The following DPP10 variants were observed in gnomAD, a reference collection of about 807,000 sequenced individuals.
DPP10 encodes the protein dipeptidyl peptidase like 10.
DPP10 carries 33 observed loss-of-function variants against 120.9 expected under a neutral mutation model. The observed-to-expected ratio is 0.27, with a 90% CI of 0.21 to 0.37. The LOEUF is 0.37. Ranked by LOEUF, DPP10 falls within the 10% of genes least tolerant of loss-of-function variation. The probability of loss-of-function intolerance (pLI) is 1.00; values close to 1 mark genes in which losing one functional copy is unlikely to be tolerated. For missense variants in DPP10, 816 were observed against 942.8 expected, an observed-to-expected ratio of 0.87 and a Z score of 1.76; for synonymous variants, 337 against 326.1, an observed-to-expected ratio of 1.03 and a Z score of -0.36.
At chr2:114,986,959 T>C (rs1700438299) in intron 1 of DPP10, among the ~76,000 whole-genome samples, 1 of 152,052 alleles carries the variant, frequency 6.6e-6, no homozygotes, top group African/African-American at 2.4e-5. Flanking sequence ...TTATTATTTT[T>C]AGTAAAGATG....
rs1700700373 is a variant in DPP10, at chr2:114,990,587, C to A, written c.61-318652C>A. On this transcript the variant is annotated intron_variant, in intron 1 of 25. Coordinates refer to ENST00000410059, the MANE Select transcript of DPP10 (RefSeq NM_020868.6). ...TATTCTACATTTAATTATTTTTATA[C>A]CCCAACAGTTAATGTGATAACCTTT... 2.0e-5 allele frequency among the ~76,000 whole-genome samples: 3 copies of A among 151,974 alleles called. No homozygotes were observed. The South Asian group carries it at 6.2e-4, about 32-fold the overall frequency.
chr2:115,294,367 A>G (rs2060791025), intron 1 of DPP10, among the ~76,000 whole-genome samples: 1 of 152,144 alleles, frequency 6.6e-6, no homozygotes, highest in African/African-American at 2.4e-5. Context: ...CACTATGGAT[A>G]CACTGAGCAA....
At chr2:115,757,245 A>G (rs966827863) in intron 11 of DPP10, among the ~76,000 whole-genome samples, 1 of 152,030 alleles carries the variant, frequency 6.6e-6, no homozygotes, top group Non-Finnish European at 1.5e-5. Flanking sequence ...AAGAGACAAC[A>G]TTTTAGACTG....
Position 114,532,801 on chromosome 2 carries a change from G to A in DPP10, c.60+89963G>A, listed in dbSNP as rs190361705. Reference sequence around the variant, plus strand: ...CCCAACTTCATGGAAAGTTTACATGGATGAGTCTCCTCTAGGCATGTCAGA... The same window carrying A: ...CCCAACTTCATGGAAAGTTTACATGAATGAGTCTCCTCTAGGCATGTCAGA... On this transcript the variant is annotated intron_variant, in intron 1 of 25. Coordinates refer to ENST00000410059, the MANE Select transcript of DPP10 (RefSeq NM_020868.6). 2.2e-3 allele frequency among the ~76,000 whole-genome samples: 332 copies of A among 152,220 alleles called. 1 individual carries two copies. Among genetic ancestry groups the A allele is most frequent in the Non-Finnish European group, 3.6e-3 (247 of 68,008 alleles).
chr2:114,517,294 G>A (rs944108049), intron 1 of DPP10, among the ~76,000 whole-genome samples: 2 of 152,196 alleles, frequency 1.3e-5, no homozygotes, highest in African/African-American at 4.8e-5. Flanking sequence ...GCCGAGGCGG[G>A]AGGATCACCT....
At chr2:115,384,670 A>T (rs540556578) in intron 3 of DPP10, among the ~76,000 whole-genome samples, 4 of 148,408 alleles carry the variant, frequency 2.7e-5, no homozygotes, top group Non-Finnish European at 4.5e-5. Context: ...AAGAAGAAGA[A>T]GGAAGAAGAA....
intron 1 of DPP10, among the ~76,000 whole-genome samples, chr2:114,976,767 T>C (rs554373873): frequency 6.6e-6 from 1 of 152,310 alleles, no homozygotes; most frequent in Non-Finnish European, 1.5e-5. Flanking sequence ...TCTCCTAGTA[T>C]TTTATTTATT....
chr2:115,727,866 T>C lies in DPP10; in HGVS notation c.627T>C (p.Ser209=). ...NIYYQPDIKS[S]SLRLTSSGKE... is the part of the protein sequence containing the mutation. ...ACTATCAACCTGATATAAAGAGCAGTTCATTGCGACTGACATCTTCTGGAA... is the reference window on the plus strand; with the variant it reads ...ACTATCAACCTGATATAAAGAGCAGCTCATTGCGACTGACATCTTCTGGAA... The change falls in exon 8 of 26, where the codon AGT becomes AGC. Residue 209 remains serine, a synonymous_variant. Transcript: ENST00000410059. The C allele has an allele frequency of 6.2e-7, 1 of 1,607,366 alleles. No homozygotes were observed. Among genetic ancestry groups the C allele is most frequent in the Non-Finnish European group, 8.5e-7 (1 of 1,177,278 alleles).
At chr2:114,635,106 A>T (rs1695211731) in intron 1 of DPP10, among the ~76,000 whole-genome samples, 1 of 151,866 alleles carries the variant, frequency 6.6e-6, no homozygotes, top group Admixed American at 6.6e-5. Context: ...AGTTTTACGT[A>T]AACTTGTTTA....
chr2:115,146,520 C>G (rs1481834912), intron 1 of DPP10, among the ~76,000 whole-genome samples: 1 of 150,792 alleles, frequency 6.6e-6, no homozygotes, highest in Non-Finnish European at 1.5e-5. Flanking sequence ...TTCTATGTTC[C>G]CTAATTAAGG....
intron 5 of DPP10, among the ~76,000 whole-genome samples, chr2:115,654,165 C>T (rs750726183): frequency 1.3e-5 from 2 of 151,774 alleles, no homozygotes; most frequent in Admixed American, 6.6e-5. Flanking sequence ...CCCCCATCCC[C>T]TGCAGTGTTA....
At chr2:115,753,442 A>T (rs974426726) in intron 11 of DPP10, 145 bp downstream of exon 11, 3 of 705,470 alleles carry the variant, frequency 4.3e-6, no homozygotes, top group African/African-American at 3.6e-5. Flanking sequence ...TATTAAGAAT[A>T]TATACTTTAA....
intron 1 of DPP10, among the ~76,000 whole-genome samples, chr2:114,527,162 T>A (rs1050864967): frequency 6.6e-6 from 1 of 152,224 alleles, no homozygotes; most frequent in African/African-American, 2.4e-5. Flanking sequence ...GTGAGATCAA[T>A]CTTTAGACGA....
chr2:114,720,110 C>A (rs1434911330), intron 1 of DPP10, among the ~76,000 whole-genome samples: 1 of 152,114 alleles, frequency 6.6e-6, no homozygotes, highest in South Asian at 2.1e-4. Flanking sequence ...GATAAGGGAA[C>A]TTCGGAGAAC....
At chr2:115,782,098 A>G (rs1682833177) in intron 16 of DPP10, among the ~76,000 whole-genome samples, 1 of 151,992 alleles carries the variant, frequency 6.6e-6, no homozygotes, top group African/African-American at 2.4e-5. Flanking sequence ...CTAAAAACAT[A>G]GAAATATAGA....
intron 1 of DPP10, among the ~76,000 whole-genome samples, chr2:114,798,368 A>G (rs1683895210): frequency 6.6e-6 from 1 of 152,198 alleles, no homozygotes; most frequent in Non-Finnish European, 1.5e-5. Flanking sequence ...TCACTGTACT[A>G]TTTTTACATC....
chr2:114,510,262 C>T (rs775874383), intron 1 of DPP10, among the ~76,000 whole-genome samples: 19 of 152,186 alleles, frequency 1.2e-4, no homozygotes, highest in Non-Finnish European at 2.8e-4. Context: ...CAACTTGGGC[C>T]TTCTCATCAG....
At chr2:115,309,675 G>T (rs1355371455) in intron 2 of DPP10, among the ~76,000 whole-genome samples, 2 of 151,984 alleles carry the variant, frequency 1.3e-5, no homozygotes. Context: ...TTTTATTGTG[G>T]GTTGAAGATG....
intron 3 of DPP10, among the ~76,000 whole-genome samples, chr2:115,471,811 G>A (rs2074743048): frequency 1.4e-5 from 2 of 145,110 alleles, no homozygotes; most frequent in African/African-American, 5.1e-5. Flanking sequence ...TTAGAGACAA[G>A]GTCTCACGCT....
Sources: gnomAD v4.1 joint callset for allele counts (sites outside exome capture counted in the v4.1 genomes callset) on GRCh38, gnomAD v4.1.1 for gene constraint, MANE v1.5 for transcripts, NCBI Gene and HGNC (gene_info 2026-07-23, HGNC 2026-07-21) for gene names.